The following NUFIP1 variants were observed in gnomAD, a reference collection of about 807,000 sequenced individuals.
NUFIP1 encodes the protein FMR1-interacting protein NUFIP1.
Under a neutral mutation model 56.2 loss-of-function variants are expected in NUFIP1, and 38 were observed. The ratio of observed to expected loss-of-function variants is 0.68; its 90% confidence interval spans 0.52 to 0.89. The LOEUF (loss-of-function observed/expected upper bound fraction) is 0.89, where lower values mean the gene tolerates loss of function less well. Among genes scored for constraint, NUFIP1 ranks in the 40% least tolerant of loss-of-function variants. The pLI is 0.00. For synonymous variants in NUFIP1, 215 were observed against 212.4 expected (o/e 1.01, Z -0.10); for missense variants, 567 against 605.8 (o/e 0.94, Z 0.67).
chr13:44,944,319 C>T (rs1329376381), intron 8 of NUFIP1, among the ~76,000 whole-genome samples: 1 of 152,044 alleles, frequency 6.6e-6, no homozygotes, highest in African/African-American at 2.4e-5. Context: ...GTATTAATGT[C>T]AGACAAAAAA....
At chr13:44,966,203 A>C (rs749449336) in intron 5 of NUFIP1, among the ~76,000 whole-genome samples, 1 of 152,214 alleles carries the variant, frequency 6.6e-6, no homozygotes, top group Non-Finnish European at 1.5e-5. Context: ...TATATCATAC[A>C]ATGTGCTCAA....
chr13:44,965,809 C>T (rs781148180), intron 6 of NUFIP1, 35 bp downstream of exon 6: 4 of 1,279,402 alleles, frequency 3.1e-6, no homozygotes, highest in Non-Finnish European at 4.3e-6. Flanking sequence ...TTGTTTTGTG[C>T]TCCTTTTCAT....
At chr13:44,942,740 T>C (rs908594494) in intron 9 of NUFIP1, among the ~76,000 whole-genome samples, 1 of 152,116 alleles carries the variant, frequency 6.6e-6, no homozygotes, top group Non-Finnish European at 1.5e-5. Flanking sequence ...AGCTATTAGA[T>C]TTTTGAGCAC....
intron 7 of NUFIP1, among the ~76,000 whole-genome samples, chr13:44,952,147 TTTG>T (rs1444235076): frequency 6.6e-6 from 1 of 152,166 alleles, no homozygotes; most frequent in Non-Finnish European, 1.5e-5. Flanking sequence ...ATTCTGTTTT[TTTG>T]TTTTTGTTTT....
chr13:44,965,112 A>G (rs1871552526), intron 6 of NUFIP1, among the ~76,000 whole-genome samples: 1 of 152,056 alleles, frequency 6.6e-6, no homozygotes, highest in African/African-American at 2.4e-5. Context: ...GTCTTTCCTG[A>G]GCTGTTCCTG....
At chr13:44,965,529 A>G (rs937340779) in intron 6 of NUFIP1, among the ~76,000 whole-genome samples, 4 of 152,114 alleles carry the variant, frequency 2.6e-5, no homozygotes, top group Non-Finnish European at 5.9e-5. Flanking sequence ...CCCCATCTCC[A>G]CTAAAAATAC....
In NUFIP1 at chr13:44,989,445, C is replaced by A; in HGVS notation, c.-9G>T. On this transcript the variant is annotated 5_prime_UTR_variant, in exon 1 of 10. Coordinates refer to ENST00000379161, the MANE Select transcript of NUFIP1 (RefSeq NM_012345.3). ...CTAGTCGGCTCAGCCATACCACTGG[C>A]GGGTCCGGAGTCTAGCACGCGACTG... The A allele has an allele frequency of 6.2e-7, 1 of 1,611,594 alleles. No homozygotes were observed. Among genetic ancestry groups the A allele is most frequent in the Non-Finnish European group, 8.5e-7 (1 of 1,178,836 alleles).
chr13:44,944,603 C>T (rs1365423095), intron 8 of NUFIP1, among the ~76,000 whole-genome samples: 1 of 152,016 alleles, frequency 6.6e-6, no homozygotes, highest in East Asian at 1.9e-4. Context: ...ACAAAGAACA[C>T]CCGACCTAAT....
intron 6 of NUFIP1, among the ~76,000 whole-genome samples, chr13:44,964,616 CAGAA>C (rs371886153): frequency 3.5e-4 from 53 of 152,166 alleles, no homozygotes; most frequent in African/African-American, 1.3e-3. Context: ...GAAAAAACTA[CAGAA>C]AGAGAGAGAA....
chr13:44,942,273 G>A (rs1870767474), intron 9 of NUFIP1, among the ~76,000 whole-genome samples: 1 of 152,044 alleles, frequency 6.6e-6, no homozygotes, highest in Non-Finnish European at 1.5e-5. Flanking sequence ...GAAATCCCTG[G>A]TATTTAGAAC....
intron 5 of NUFIP1, among the ~76,000 whole-genome samples, chr13:44,977,359 G>A (rs1362714941): frequency 2.0e-5 from 3 of 152,198 alleles, no homozygotes; most frequent in African/African-American, 7.2e-5. Flanking sequence ...TTCAGGGACT[G>A]GCAACCAGCC....
intron 6 of NUFIP1, among the ~76,000 whole-genome samples, chr13:44,965,420 G>A (rs1306997337): frequency 6.6e-6 from 1 of 152,194 alleles, no homozygotes; most frequent in African/African-American, 2.4e-5. Context: ...AAAATTACCA[G>A]GCATGGGGCC....
intron 2 of NUFIP1, among the ~76,000 whole-genome samples, chr13:44,981,564 A>C (rs1872190319): frequency 6.6e-6 from 1 of 152,170 alleles, no homozygotes; most frequent in South Asian, 2.1e-4. Context: ...TAATCCCAGC[A>C]CTTTGGGAGG....
intron 3 of NUFIP1, among the ~76,000 whole-genome samples, chr13:44,980,440 G>A (rs1314550619): frequency 1.3e-5 from 2 of 152,130 alleles, no homozygotes; most frequent in East Asian, 3.9e-4. Flanking sequence ...AGATGCACAA[G>A]GTAACTAGAG....
At chr13:44,976,156 G>A (rs891553131) in intron 5 of NUFIP1, among the ~76,000 whole-genome samples, 2 of 152,180 alleles carry the variant, frequency 1.3e-5, no homozygotes, top group African/African-American at 4.8e-5. Flanking sequence ...TAGCAGTTAG[G>A]CCACTTCCAT....
At chr13:44,955,572 T>TTTCCCC (rs1871200488) in intron 7 of NUFIP1, among the ~76,000 whole-genome samples, 1 of 152,198 alleles carries the variant, frequency 6.6e-6, no homozygotes, top group Non-Finnish European at 1.5e-5. Context: ...TCAACTGCCA[T>TTTCCCC]ATGAGAACAG....
intron 7 of NUFIP1, among the ~76,000 whole-genome samples, chr13:44,952,314 G>A (rs146295688): frequency 5.2e-4 from 79 of 152,118 alleles, no homozygotes; most frequent in African/African-American, 1.8e-3. Flanking sequence ...TAGTAGAGAC[G>A]GAGTTTCACC....
chr13:44,948,256 C>T (rs1870962839), intron 8 of NUFIP1, among the ~76,000 whole-genome samples: 1 of 151,082 alleles, frequency 6.6e-6, no homozygotes, highest in African/African-American at 2.4e-5. Context: ...AATTCTCCTG[C>T]CTCAGCCTCC....
At chr13:44,981,901 T>C (rs535299990) in intron 2 of NUFIP1, among the ~76,000 whole-genome samples, 171 bp downstream of exon 2, 1 of 152,362 alleles carries the variant, frequency 6.6e-6, no homozygotes, top group Non-Finnish European at 1.5e-5. Context: ...GTATTATTTT[T>C]GAATCCCAAT....
Sources: gnomAD v4.1 joint callset for allele counts (sites outside exome capture counted in the v4.1 genomes callset) on GRCh38, gnomAD v4.1.1 for gene constraint, MANE v1.5 for transcripts, NCBI Gene and HGNC (gene_info 2026-07-23, HGNC 2026-07-21) for gene names.